Variants in CEP350 observed in about 807,000 individuals in gnomAD.
CEP350 encodes centrosomal protein 350, also known as centrosome-associated protein 350.
In CEP350, 126 loss-of-function variants were observed where a neutral mutation model predicts 331.8. The observed-to-expected ratio is 0.38, with a 90% CI of 0.33 to 0.44. CEP350 has a LOEUF of 0.44. Among genes scored for constraint, CEP350 ranks in the 20% least tolerant of loss-of-function variants. The probability of loss-of-function intolerance (pLI) is 1.00; values close to 1 mark genes in which losing one functional copy is unlikely to be tolerated. For synonymous variants in CEP350, 1,200 were observed against 1,259.5 expected, an observed-to-expected ratio of 0.95 and a Z score of 1.00; for missense variants, 3,406 against 3,634.6, an observed-to-expected ratio of 0.94 and a Z score of 1.62.
intron 6 of CEP350, among the ~76,000 whole-genome samples, chr1:179,999,997 T>A (rs1213970728): frequency 6.6e-6 from 1 of 152,196 alleles, no homozygotes; most frequent in Non-Finnish European, 1.5e-5. Flanking sequence ...AAAGAGCCTA[T>A]CTTGGTCACC....
At chr1:180,022,995 T>A (rs892437743) in intron 13 of CEP350, 147 bp downstream of exon 13, 1 of 679,348 alleles carries the variant, frequency 1.5e-6, no homozygotes, top group Non-Finnish European at 2.3e-6. Flanking sequence ...GAGCATGGGC[T>A]CTGGATCCAG....
intron 31 of CEP350, among the ~76,000 whole-genome samples, chr1:180,085,069 T>G (rs778729115): frequency 6.6e-6 from 1 of 151,580 alleles, no homozygotes; most frequent in Non-Finnish European, 1.5e-5. Context: ...CCCTGTCCCC[T>G]TTTTTTCTCC....
chr1:179,957,475 T>G (rs1200983511), intron 1 of CEP350, among the ~76,000 whole-genome samples: 5 of 152,204 alleles, frequency 3.3e-5, no homozygotes, highest in Admixed American at 6.5e-5. Context: ...TGAGTTATTC[T>G]TTGCCTTTCT....
chr1:179,961,211 C>T (rs552187270), intron 1 of CEP350, among the ~76,000 whole-genome samples: 22 of 152,028 alleles, frequency 1.4e-4, no homozygotes, highest in Non-Finnish European at 2.4e-4. Context: ...TTTGGAAGGC[C>T]GAGGTAGGCA....
At chr1:180,060,754 T>G (rs1264220745) in intron 25 of CEP350, among the ~76,000 whole-genome samples, 1 of 152,162 alleles carries the variant, frequency 6.6e-6, no homozygotes, top group Non-Finnish European at 1.5e-5. Flanking sequence ...ATTAGCATGG[T>G]GAAATATCAA....
At chr1:180,068,896 G>A (rs1426446503) in intron 27 of CEP350, among the ~76,000 whole-genome samples, 2 of 152,158 alleles carry the variant, frequency 1.3e-5, no homozygotes, top group Non-Finnish European at 2.9e-5. Context: ...TGTTAAGGAA[G>A]TTCAGAAAAG....
chr1:180,081,973 G>A lies in CEP350; in HGVS notation c.6124+1312G>A, dbSNP rs144927207. Among the ~76,000 whole-genome samples, 478 of 152,240 alleles carry A rather than the reference G, an allele frequency of 3.1e-3. 7 individuals carry two copies. The highest frequency in any genetic ancestry group is 0.024 in the South Asian group (116 of 4,818). ...TTTTTATATATTTGCTTTTATGTAC[G>A]TTGGTGAAAAATTACTTCCAAGAGA... is the stretch of plus-strand genomic sequence containing the variant. On this transcript the variant is annotated intron_variant, in intron 30 of 37. Transcript: ENST00000367607.
At chr1:180,085,762 CA>C (rs1228289395) in intron 31 of CEP350, 9 of 152,116 alleles carry the variant, frequency 5.9e-5, no homozygotes, top group African/African-American at 2.2e-4. Flanking sequence ...TGTATTTAGC[CA>C]AAATTTCTGT....
rs745757738 is a variant in CEP350 at position 180,098,888 on chromosome 1, AGTT to A, written c.9096_9098del (p.Leu3032del). The A allele has an allele frequency of 6.2e-7, 1 of 1,613,428 alleles. No homozygotes were observed. The highest frequency in any genetic ancestry group is 8.5e-7 in the Non-Finnish European group (1 of 1,179,586). ...AGCTTCATAGCAAGTGAAGTACTCA[AGTT>A]GTTCAGTCTTAAAAAGGAGCCAAAC... On this transcript the variant is annotated inframe_deletion, in exon 37 of 38. Coordinates refer to ENST00000367607, the MANE Select transcript of CEP350 (RefSeq NM_014810.5).
intron 14 of CEP350, among the ~76,000 whole-genome samples, chr1:180,028,674 C>T (rs1466474926): frequency 6.6e-6 from 1 of 151,922 alleles, no homozygotes; most frequent in African/African-American, 2.4e-5. Flanking sequence ...CGTGGTGGCG[C>T]ACACCTGTAG....
chr1:180,086,097 C>T (rs963225455), intron 31 of CEP350, among the ~76,000 whole-genome samples: 1 of 152,112 alleles, frequency 6.6e-6, no homozygotes, highest in Admixed American at 6.6e-5. Context: ...AGAAAATAGG[C>T]CTGTTAATAG....
chr1:179,974,883 C>T (rs1651739228), intron 1 of CEP350, among the ~76,000 whole-genome samples: 1 of 151,938 alleles, frequency 6.6e-6, no homozygotes, highest in African/African-American at 2.4e-5. Context: ...CCTAGCAACA[C>T]AGGAGGCTGA....
intron 33 of CEP350, 136 bp from the exon 34 acceptor site, chr1:180,092,478 G>A (rs546300837): frequency 2.0e-6 from 1 of 506,068 alleles, no homozygotes; most frequent in South Asian, 5.1e-5. Flanking sequence ...AACTTATAAA[G>A]TAGCCAAAAC....
rs752030987 is a variant in CEP350, at chr1:180,084,020, A to G, written c.6127A>G (p.Thr2043Ala). 21 of 1,504,688 alleles carry G rather than the reference A, an allele frequency of 1.4e-5. No individual in the cohort carries two copies. The highest frequency in any genetic ancestry group is 1.9e-5 in the Non-Finnish European group (21 of 1,121,736). The allele number at this position is 1,504,688 out of a possible 1,614,324, so 93.2% of individuals were successfully genotyped here. A position where few individuals can be genotyped will look rare whatever the true frequency, so the allele number is the denominator to read the frequency against. The change falls in exon 31 of 38, where the codon ACT becomes GCT. Residue 2043 changes from threonine to alanine, a missense_variant and splice_region_variant. Physicochemically the swap from Thr to Ala is moderately conservative, Grantham distance 58. Around this residue, in one of 5 missense-constraint regions of CEP350, gnomAD observed 1,415 missense variants for 1,512.3 expected, o/e 0.94. Transcript: ENST00000367607. ...AAAAGATTTTGTATCTCTTTCAGAA[A>G]CTACATCTGACCAGAGTGATATTGA... The part of the protein sequence containing the change: ...DESLSMTQSE[T>A]TSDQSDIEGR...
intron 3 of CEP350, 22 bp downstream of exon 3, chr1:179,987,308 T>A: frequency 7.1e-7 from 1 of 1,416,870 alleles, no homozygotes; most frequent in Non-Finnish European, 9.9e-7. Context: ...TAGCTTCCAT[T>A]TATTTATTTC....
intron 1 of CEP350, among the ~76,000 whole-genome samples, chr1:179,975,776 A>G (rs935494214): frequency 2.0e-5 from 3 of 152,160 alleles, no homozygotes; most frequent in African/African-American, 7.2e-5. Flanking sequence ...GCTTGGTGAT[A>G]GACATCTAAT....
chr1:180,034,023 T>G lies in CEP350; in HGVS notation c.3887T>G (p.Leu1296Arg). 1 of 1,613,850 alleles carries G rather than the reference T, an allele frequency of 6.2e-7. No homozygotes were observed. The highest frequency in any genetic ancestry group is 8.5e-7 in the Non-Finnish European group (1 of 1,179,790). The change falls in exon 16 of 38, where the codon CTC (leucine) becomes CGC (arginine). Residue 1296 changes from leucine to arginine, a missense_variant. Physicochemically the swap from Leu to Arg is moderately radical, Grantham distance 102. This residue lies in a region of CEP350 where 1,857 missense variants were observed against 1,909.2 expected (regional missense o/e 0.97). Transcript: ENST00000367607. ...TITGFKPNAP[L>R]TDLNPAASRT... ...ACAGGATTTAAGCCTAATGCACCTC[T>G]CACTGATCTGAACCCGGCAGCCAGC...
chr1:179,999,263 A>G (rs2148726529), intron 6 of CEP350, among the ~76,000 whole-genome samples: 1 of 152,268 alleles, frequency 6.6e-6, no homozygotes, highest in Middle Eastern at 3.4e-3. Context: ...AAAGTTAAAA[A>G]CAATTTTACA....
chr1:180,004,960 CT>C (rs1654158414), intron 7 of CEP350, among the ~76,000 whole-genome samples: 1 of 19,086 alleles, frequency 5.2e-5, no homozygotes, highest in Non-Finnish European at 2.1e-4. Flanking sequence ...TCTTTCCCCT[CT>C]CTCTCTTTTT....
Sources: gnomAD v4.1 joint callset for allele counts (sites outside exome capture counted in the v4.1 genomes callset) on GRCh38, gnomAD v4.1.1 for gene constraint, gnomAD v4.1.1 regional missense constraint, MANE v1.5 for transcripts, NCBI Gene and HGNC (gene_info 2026-07-23, HGNC 2026-07-21) for gene names.